The following PIP5K1B variants were observed in gnomAD, a reference collection of about 807,000 sequenced individuals.
The protein encoded by PIP5K1B is phosphatidylinositol 4-phosphate 5-kinase type-1 beta.
In PIP5K1B, 42 loss-of-function variants were observed where a neutral mutation model predicts 67.0. The observed-to-expected ratio is 0.63, with a 90% CI of 0.49 to 0.81. PIP5K1B has a LOEUF of 0.81. Among genes scored for constraint, PIP5K1B ranks in the 30% least tolerant of loss-of-function variants. The pLI is 0.00. For synonymous variants in PIP5K1B, 214 were observed against 231.4 expected (o/e 0.92, Z 0.68); for missense variants, 459 against 646.3 (o/e 0.71, Z 3.14).
Position 68,836,258 on chromosome 9 carries a change from C to T in PIP5K1B, c.69+13575C>T, listed in dbSNP as rs569576775. ...TTATTAATTATTCTAATCTTGGAGA[C>T]AAGTCTGTTCTCCCATTCCTGACCC... On this transcript the variant is annotated intron_variant, in intron 4 of 15. Transcript: ENST00000265382. Among the ~76,000 whole-genome samples the T allele has an allele frequency of 1.9e-3, 292 of 152,280 alleles. 1 individual carries two copies. The highest frequency in any genetic ancestry group is 6.7e-3 in the African/African-American group (277 of 41,536).
At chr9:68,729,010 A>C (rs1828284283) in intron 1 of PIP5K1B, 1 of 152,200 alleles carries the variant, frequency 6.6e-6, no homozygotes, top group Admixed American at 6.5e-5. Context: ...GACACTAGTT[A>C]AATTGTAGCT....
intron 12 of PIP5K1B, among the ~76,000 whole-genome samples, chr9:68,932,120 C>T (rs1466643681): frequency 2.0e-5 from 3 of 152,182 alleles, no homozygotes; most frequent in African/African-American, 7.2e-5. Flanking sequence ...TTGGCCCTCA[C>T]TCCATGAAAT....
At chr9:68,827,985 G>T (rs2132094481) in intron 4 of PIP5K1B, among the ~76,000 whole-genome samples, 1 of 152,280 alleles carries the variant, frequency 6.6e-6, no homozygotes, top group African/African-American at 2.4e-5. Flanking sequence ...TGTCAGGGTG[G>T]TTCAGTGACA....
chr9:68,931,247 A>C (rs1354650766), intron 12 of PIP5K1B, among the ~76,000 whole-genome samples: 5 of 152,246 alleles, frequency 3.3e-5, no homozygotes, highest in Non-Finnish European at 7.3e-5. Flanking sequence ...AAAGTACTAA[A>C]GCTTAGTTTC....
chr9:68,917,494 T>G, intron 8 of PIP5K1B, 54 bp from the exon 9 acceptor site: 73 of 1,254,956 alleles, frequency 5.8e-5, no homozygotes, highest in Non-Finnish European at 8.2e-5. Flanking sequence ...AATGAGTAGA[T>G]GAGACGAACA....
At chr9:68,877,294 A>G (rs550192583) in intron 6 of PIP5K1B, among the ~76,000 whole-genome samples, 6 of 152,348 alleles carry the variant, frequency 3.9e-5, no homozygotes, top group Non-Finnish European at 8.8e-5. Context: ...GTACAAGGGC[A>G]TATTTTATCC....
At chr9:68,899,095 T>C (rs964525061) in intron 8 of PIP5K1B, among the ~76,000 whole-genome samples, 3 of 152,194 alleles carry the variant, frequency 2.0e-5, no homozygotes, top group African/African-American at 7.2e-5. Context: ...TCTCCTCTGA[T>C]ACAGATCCCC....
intron 1 of PIP5K1B, among the ~76,000 whole-genome samples, chr9:68,708,608 C>A (rs1355208126): frequency 7.3e-6 from 1 of 136,952 alleles, no homozygotes; most frequent in East Asian, 2.3e-4. Flanking sequence ...ATTGACTTGT[C>A]CCATTTTATG....
chr9:68,986,688 C>T (rs1311920039), intron 14 of PIP5K1B, among the ~76,000 whole-genome samples: 1 of 152,068 alleles, frequency 6.6e-6, no homozygotes, highest in Non-Finnish European at 1.5e-5. Flanking sequence ...TGTAATCATA[C>T]TATATTTTAG....
intron 2 of PIP5K1B, among the ~76,000 whole-genome samples, chr9:68,791,034 G>A (rs1024732777): frequency 1.3e-5 from 2 of 152,152 alleles, no homozygotes; most frequent in African/African-American, 4.8e-5. Context: ...GCAGAAGTTC[G>A]GTTCTGTATC....
intron 8 of PIP5K1B, among the ~76,000 whole-genome samples, chr9:68,902,378 G>A (rs1459786977): frequency 1.3e-5 from 2 of 152,164 alleles, no homozygotes; most frequent in Admixed American, 1.3e-4. Flanking sequence ...TATAACCCCT[G>A]AGATTGGCTT....
At chr9:68,759,907 A>G (rs1417162261) in intron 2 of PIP5K1B, among the ~76,000 whole-genome samples, 1 of 152,134 alleles carries the variant, frequency 6.6e-6, no homozygotes, top group Non-Finnish European at 1.5e-5. Flanking sequence ...TATGGCTTAC[A>G]TTAAAATTTC....
chr9:68,831,128 A>G (rs2132109396), intron 4 of PIP5K1B, among the ~76,000 whole-genome samples: 1 of 152,368 alleles, frequency 6.6e-6, no homozygotes, highest in East Asian at 1.9e-4. Context: ...GTCGTAGGGA[A>G]CATACCTTGT....
chr9:68,877,849 AT>A (rs1421350187), intron 6 of PIP5K1B, among the ~76,000 whole-genome samples: 9 of 152,328 alleles, frequency 5.9e-5, no homozygotes, highest in African/African-American at 2.2e-4. Context: ...AGGCACATCA[AT>A]AAGTCTCCAA....
rs562666626 is a variant in PIP5K1B at position 68,884,590 on chromosome 9, G to A, written c.319-4391G>A. On this transcript the variant is annotated intron_variant, in intron 6 of 15. Transcript: ENST00000265382. Reference sequence around the variant, plus strand: ...GAGGTGAGAGGATCACCAGAGCCTGGGGAGGTCGAGGCTACAATAAGCTGT... The same window carrying A: ...GAGGTGAGAGGATCACCAGAGCCTGAGGAGGTCGAGGCTACAATAAGCTGT... 4.6e-5 allele frequency among the ~76,000 whole-genome samples: 7 copies of A among 151,876 alleles called. No individual in the cohort carries two copies. In the South Asian group the frequency reaches 1.0e-3, roughly 23 times the overall value.
intron 2 of PIP5K1B, among the ~76,000 whole-genome samples, chr9:68,777,190 C>T (rs914167279): frequency 6.6e-6 from 1 of 152,172 alleles, no homozygotes; most frequent in Non-Finnish European, 1.5e-5. Flanking sequence ...TAATAGAGTT[C>T]TCTTCCCTTT....
chr9:68,918,095 A>ATTTAT (rs1826192159), intron 9 of PIP5K1B, among the ~76,000 whole-genome samples: 1 of 143,084 alleles, frequency 7.0e-6, no homozygotes, highest in Non-Finnish European at 1.5e-5. Flanking sequence ...TTATTTATTT[A>ATTTAT]TTTTTTTTTT....
intron 2 of PIP5K1B, among the ~76,000 whole-genome samples, chr9:68,767,094 T>C (rs1463810555): frequency 6.6e-6 from 1 of 152,208 alleles, no homozygotes; most frequent in East Asian, 1.9e-4. Context: ...GAATGCCCCA[T>C]GTAAACCTGA....
At chr9:68,840,118 T>C (rs542899666) in intron 4 of PIP5K1B, among the ~76,000 whole-genome samples, 3 of 152,208 alleles carry the variant, frequency 2.0e-5, no homozygotes, top group Non-Finnish European at 4.4e-5. Flanking sequence ...GGCACATGCC[T>C]GTAATCCCAG....
Sources: gnomAD v4.1 joint callset for allele counts (sites outside exome capture counted in the v4.1 genomes callset) on GRCh38, gnomAD v4.1.1 for gene constraint, MANE v1.5 for transcripts, NCBI Gene and HGNC (gene_info 2026-07-23, HGNC 2026-07-21) for gene names.